The following EVI5 variants were observed in gnomAD, a reference collection of about 807,000 sequenced individuals.
The protein encoded by EVI5 is ecotropic viral integration site 5 protein homolog.
In EVI5, 73 loss-of-function variants were observed where a neutral mutation model predicts 112.0. The ratio of observed to expected loss-of-function variants is 0.65; its 90% CI spans 0.54 to 0.79. The LOEUF (loss-of-function observed/expected upper bound fraction) is 0.79, where lower values mean the gene tolerates loss of function less well. Ranked by LOEUF, EVI5 falls within the 30% of genes least tolerant of loss-of-function variation. The pLI is 0.00. For missense variants in EVI5, 900 were observed against 968.8 expected (o/e 0.93, Z 0.94); for synonymous variants, 305 against 319.9 (o/e 0.95, Z 0.50).
At chr1:92,658,787 G>C (rs1663459103) in intron 13 of EVI5, among the ~76,000 whole-genome samples, 1 of 151,980 alleles carries the variant, frequency 6.6e-6, no homozygotes, top group African/African-American at 2.4e-5. Flanking sequence ...ATCCTAGGTA[G>C]AAAGAACAAT....
At chr1:92,679,555 T>C (rs1667272835) in intron 9 of EVI5, among the ~76,000 whole-genome samples, 1 of 152,220 alleles carries the variant, frequency 6.6e-6, no homozygotes, top group South Asian at 2.1e-4. Context: ...ATATTTGGTT[T>C]ACAAAAAGAT....
intron 1 of EVI5, among the ~76,000 whole-genome samples, chr1:92,764,544 T>C (rs1036812229): frequency 2.6e-5 from 4 of 152,194 alleles, no homozygotes; most frequent in African/African-American, 7.2e-5. Context: ...TAGCAGCTGG[T>C]GATACTGATT....
chr1:92,584,483 A>C (rs1319744944), intron 18 of EVI5, among the ~76,000 whole-genome samples: 1 of 152,220 alleles, frequency 6.6e-6, no homozygotes, highest in Non-Finnish European at 1.5e-5. Flanking sequence ...GTAAGTAATC[A>C]CTCTGATTAA....
chr1:92,783,518 G>T (rs150585657), intron 1 of EVI5, among the ~76,000 whole-genome samples: 1 of 138,054 alleles, frequency 7.2e-6, no homozygotes, highest in Non-Finnish European at 1.6e-5. Context: ...GAAAAGAAAA[G>T]AAAAGAAAAA....
chr1:92,785,595 T>G (rs1265007902), upstream of EVI5, among the ~76,000 whole-genome samples: 1 of 152,230 alleles, frequency 6.6e-6, no homozygotes. Context: ...ATTGGGTTTA[T>G]GCAGACTACT....
At chr1:92,751,460 C>T (rs1250147507) in intron 1 of EVI5, among the ~76,000 whole-genome samples, 1 of 152,132 alleles carries the variant, frequency 6.6e-6, no homozygotes, top group South Asian at 2.1e-4. Context: ...TGACTTGCTC[C>T]ATTCTGGACT....
At chr1:92,759,150 G>C (rs1472459847) in intron 1 of EVI5, among the ~76,000 whole-genome samples, 1 of 152,084 alleles carries the variant, frequency 6.6e-6, no homozygotes, top group Non-Finnish European at 1.5e-5. Context: ...TTGAGCTCAG[G>C]GGGCAGAGGT....
intron 14 of EVI5, among the ~76,000 whole-genome samples, chr1:92,630,541 T>A (rs1656795570): frequency 6.6e-6 from 1 of 152,194 alleles, no homozygotes. Context: ...TAAATTTGTT[T>A]GAGTTCATTG....
intron 17 of EVI5, 104 bp downstream of exon 17, chr1:92,607,477 G>A (rs1187372808): frequency 1.7e-5 from 14 of 803,460 alleles, no homozygotes; most frequent in Middle Eastern, 7.3e-4. Flanking sequence ...AATAGGACGA[G>A]CTTTTTTGTT....
In EVI5 at chr1:92,773,351, CATT is replaced by C. The variant is rs376544078; in HGVS notation, c.-82+11482_-82+11484del. Among the ~76,000 whole-genome samples, 113 of 152,222 alleles carry C rather than the reference CATT, an allele frequency of 7.4e-4. 1 individual carries two copies. Among genetic ancestry groups the C allele is most frequent in the South Asian group, 4.6e-3 (22 of 4,830 alleles). Reference sequence around the variant, plus strand: ...CAAGATCACGGATGAATTTCAAAAACATTATTTTGACCAAAAGAAGCAGACACA... The same window carrying C: ...CAAGATCACGGATGAATTTCAAAAACATTTTGACCAAAAGAAGCAGACACA... On this transcript the variant is annotated intron_variant, in intron 1 of 19. Transcript: ENST00000684568.
chr1:92,573,054 CAAA>C (rs1670552983), intron 18 of EVI5, among the ~76,000 whole-genome samples: 1 of 152,008 alleles, frequency 6.6e-6, no homozygotes, highest in Non-Finnish European at 1.5e-5. Context: ...TTATCTGCAA[CAAA>C]AACATACTAC....
At chr1:92,674,536 G>T (rs150826653) in intron 10 of EVI5, among the ~76,000 whole-genome samples, 6 of 152,094 alleles carry the variant, frequency 3.9e-5, no homozygotes, top group Admixed American at 6.6e-5. Flanking sequence ...GGGCCTGTCA[G>T]GGGGTGGAGG....
chr1:92,515,719 T>C (rs1659755514), intron 19 of EVI5, among the ~76,000 whole-genome samples: 1 of 152,200 alleles, frequency 6.6e-6, no homozygotes, highest in Non-Finnish European at 1.5e-5. Context: ...AAATATTACA[T>C]ACACTTTCAA....
chr1:92,601,052 G>A (rs1649073582), intron 18 of EVI5, among the ~76,000 whole-genome samples: 1 of 152,162 alleles, frequency 6.6e-6, no homozygotes, highest in Non-Finnish European at 1.5e-5. Context: ...CAAGGAGGAC[G>A]AAATGGTCAA....
chr1:92,719,588 T>G (rs1674392534), intron 2 of EVI5, among the ~76,000 whole-genome samples: 1 of 151,920 alleles, frequency 6.6e-6, no homozygotes, highest in Non-Finnish European at 1.5e-5. Context: ...ACAGCCAATA[T>G]CATACTGAAT....
intron 1 of EVI5, among the ~76,000 whole-genome samples, chr1:92,769,057 C>T (rs1023120985): frequency 5.3e-5 from 8 of 152,178 alleles, no homozygotes; most frequent in African/African-American, 1.9e-4. Flanking sequence ...TCTGAAACCA[C>T]ACTTAACCAA....
rs1659249503 is a variant in EVI5 at position 92,512,530 on chromosome 1, T to G, written c.*1126A>C. 1 of 152,236 alleles carries G rather than the reference T, an allele frequency of 6.6e-6. No individual in the cohort carries two copies. Among genetic ancestry groups the G allele is most frequent in the African/African-American group, 2.4e-5 (1 of 41,464 alleles). The allele number at this position is 152,236 out of a possible 1,614,324, so 9.4% of individuals were successfully genotyped here. A position where few individuals can be genotyped will look rare whatever the true frequency, so the allele number is the denominator to read the frequency against. ...TATTATTTACAGAAGTCCTGTTAGA[T>G]GCTGAAAGCAGTCATTTTGCAACAT... On this transcript the variant is annotated 3_prime_UTR_variant, in exon 20 of 20. Transcript: ENST00000684568.
At chr1:92,789,771 A>C (rs1685950915), upstream of EVI5, among the ~76,000 whole-genome samples, 1 of 152,210 alleles carries the variant, frequency 6.6e-6, no homozygotes. Flanking sequence ...AAAGGTGTTT[A>C]AGTCAGTCAT....
chr1:92,606,873 C>G lies in EVI5; in HGVS notation c.1974+708G>C, dbSNP rs903940314. On this transcript the variant is annotated intron_variant, in intron 17 of 19. Coordinates refer to ENST00000684568, the MANE Select transcript of EVI5 (RefSeq NM_001350197.2). Reference sequence around the variant, plus strand: ...ATTCTAATGCCCAGTCTACAGTCATCTCTTTAGTTATTTCACACACACACA... The same window carrying G: ...ATTCTAATGCCCAGTCTACAGTCATGTCTTTAGTTATTTCACACACACACA... Among the ~76,000 whole-genome samples the G allele has an allele frequency of 2.1e-5, 3 of 145,370 alleles. No individual in the cohort carries two copies. The East Asian group carries it at 6.1e-4, about 30-fold the overall frequency.
Sources: gnomAD v4.1 joint callset for allele counts (sites outside exome capture counted in the v4.1 genomes callset) on GRCh38, gnomAD v4.1.1 for gene constraint, MANE v1.5 for transcripts, NCBI Gene and HGNC (gene_info 2026-07-23, HGNC 2026-07-21) for gene names.